TRMT11: variants seen among roughly 807,000 people sequenced by gnomAD.
TRMT11 encodes tRNA (guanine(10)-N(2))-methyltransferase TRMT11.
TRMT11 carries 53 observed loss-of-function variants against 62.8 expected under a neutral mutation model. The observed-to-expected ratio is 0.84, with a 90% CI of 0.68 to 1.06. TRMT11 has a LOEUF of 1.06. Among genes scored for constraint, TRMT11 ranks in the 50% least tolerant of loss-of-function variants. The pLI is 0.00. For synonymous variants in TRMT11, 188 were observed against 190.3 expected, an observed-to-expected ratio of 0.99 and a Z score of 0.10; for missense variants, 556 against 553.4, an observed-to-expected ratio of 1.00 and a Z score of -0.05.
the TRMT11 span, among the ~76,000 whole-genome samples, chr6:126,270,725 C>T: frequency 1.3e-5 from 2 of 152,030 alleles, no homozygotes; most frequent in African/African-American, 4.8e-5. Flanking sequence ...ATTTTTTAAA[C>T]ATTTCTGTAG....
intron 12 of TRMT11, among the ~76,000 whole-genome samples, chr6:126,031,595 A>G (rs961557592): frequency 3.9e-5 from 6 of 152,154 alleles, no homozygotes; most frequent in Non-Finnish European, 7.3e-5. Flanking sequence ...CAAGATACAG[A>G]AGCATGAGAG....
intron 21 of TRMT11, among the ~76,000 whole-genome samples, chr6:126,135,623 C>T (rs1777841323): frequency 1.3e-5 from 2 of 151,680 alleles, no homozygotes; most frequent in Non-Finnish European, 3.0e-5. Context: ...GGAATACTTC[C>T]AAATTCATTG....
chr6:126,194,341 T>G (rs990548014), intron 1 of TRMT11, among the ~76,000 whole-genome samples: 2 of 152,222 alleles, frequency 1.3e-5, no homozygotes, highest in Non-Finnish European at 2.9e-5. Flanking sequence ...CGGTATTGGA[T>G]GAATACATGT....
intron 17 of TRMT11, among the ~76,000 whole-genome samples, chr6:126,071,265 A>C (rs1348511279): frequency 6.6e-6 from 1 of 152,028 alleles, no homozygotes; most frequent in East Asian, 1.9e-4. Flanking sequence ...AATCTTTCTA[A>C]TTAGCTGTAA....
In TRMT11 at chr6:126,151,831, TTTCTTTC is replaced by T. The variant is rs1189063825; in HGVS notation, c.*1824-22991_*1824-22985del. On this transcript the variant is annotated intron_variant and NMD_transcript_variant, in intron 21 of 22. Transcript: ENST00000648977. ...TTTTCTTTCTTTCTTTCTTTCTTTC[TTTCTTTC>T]TTTCTTTCTTTCTTTCTTTCTTTCT... is the stretch of plus-strand genomic sequence containing the variant. Among the ~76,000 whole-genome samples the T allele has an allele frequency of 1.4e-4, 19 of 132,198 alleles. 2 individuals are homozygous for T. The highest frequency in any genetic ancestry group is 5.6e-4 in the African/African-American group (18 of 32,198). 86.7% of individuals were successfully genotyped at this position (132,198 alleles called of 152,430 possible).
chr6:126,027,796 G>A, intron 12 of TRMT11, among the ~76,000 whole-genome samples: 1 of 152,198 alleles, frequency 6.6e-6, no homozygotes, highest in East Asian at 1.9e-4. Context: ...TCATAATGGA[G>A]TGTGGCCAAA....
the TRMT11 span, among the ~76,000 whole-genome samples, chr6:126,269,942 G>C: frequency 2.0e-5 from 3 of 152,124 alleles, no homozygotes; most frequent in Non-Finnish European, 2.9e-5. Flanking sequence ...GTGGTGGAAG[G>C]GATGGGGAGG....
chr6:126,115,572 A>G (rs1777577757), intron 20 of TRMT11, among the ~76,000 whole-genome samples: 1 of 152,124 alleles, frequency 6.6e-6, no homozygotes, highest in African/African-American at 2.4e-5. Context: ...AAATATTTAT[A>G]TTGCTATTTA....
At chr6:126,258,287 C>T in the TRMT11 span, 13 of 490,152 alleles carry the variant, frequency 2.7e-5, no homozygotes, top group Admixed American at 1.5e-4. Flanking sequence ...AAAGTAAACA[C>T]GTGGTCCTGA....
intron 21 of TRMT11, among the ~76,000 whole-genome samples, chr6:126,124,218 A>G (rs61126171): frequency 1.3e-3 from 194 of 152,140 alleles, no homozygotes; most frequent in African/African-American, 3.9e-3. Context: ...TTATGGGAGG[A>G]GATCCCCAAA....
At chr6:126,108,654 T>C (rs1162454761) in intron 17 of TRMT11, among the ~76,000 whole-genome samples, 4 of 151,786 alleles carry the variant, frequency 2.6e-5, no homozygotes, top group Non-Finnish European at 4.4e-5. Flanking sequence ...CATTAATTTA[T>C]AGTTCATTGA....
the TRMT11 span, among the ~76,000 whole-genome samples, chr6:126,224,717 C>T: frequency 1.3e-5 from 2 of 152,130 alleles, no homozygotes; most frequent in East Asian, 1.9e-4. Context: ...CACATGTGTA[C>T]GCTTGTGCTG....
At chr6:126,205,987 A>G (rs868549913), downstream of TRMT11, among the ~76,000 whole-genome samples, 6 of 151,912 alleles carry the variant, frequency 3.9e-5, no homozygotes, top group Admixed American at 3.9e-4. Flanking sequence ...TTCCCCTATG[A>G]CGATATAAAG....
At chr6:126,080,452 C>T (rs950051542) in intron 17 of TRMT11, among the ~76,000 whole-genome samples, 2 of 152,030 alleles carry the variant, frequency 1.3e-5, no homozygotes, top group East Asian at 3.9e-4. Flanking sequence ...GAGTCAGGGT[C>T]ACTCACCAAG....
chr6:126,268,692 T>C, the TRMT11 span, among the ~76,000 whole-genome samples: 2 of 152,184 alleles, frequency 1.3e-5, no homozygotes, highest in African/African-American at 2.4e-5. Context: ...TAATGTGTGA[T>C]AGACATGTTT....
At chr6:125,990,015 GATT>G in intron 1 of TRMT11, among the ~76,000 whole-genome samples, 1 of 152,216 alleles carries the variant, frequency 6.6e-6, no homozygotes, top group Admixed American at 6.5e-5. Context: ...TGTTTTACAT[GATT>G]ATTTTTCAGA....
At chr6:126,020,091 T>G (rs2127984425) in intron 11 of TRMT11, among the ~76,000 whole-genome samples, 1 of 152,334 alleles carries the variant, frequency 6.6e-6, no homozygotes, top group Admixed American at 6.5e-5. Context: ...CAGTGGGACC[T>G]AGAAAAGTTC....
intron 21 of TRMT11, among the ~76,000 whole-genome samples, chr6:126,125,953 C>A (rs905001940): frequency 9.2e-5 from 14 of 152,038 alleles, no homozygotes; most frequent in Admixed American, 5.2e-4. Context: ...TCGCTTCTTT[C>A]AAAAAATCAA....
chr6:126,209,088 T>G, the TRMT11 span, among the ~76,000 whole-genome samples: 1 of 152,116 alleles, frequency 6.6e-6, no homozygotes, highest in Non-Finnish European at 1.5e-5. Flanking sequence ...TATAGGAAAT[T>G]ATTGAGGGGA....
Sources: allele counts gnomAD v4.1 joint callset (sites outside exome capture counted in the v4.1 genomes callset), GRCh38; gene constraint gnomAD v4.1.1; transcripts MANE v1.5; gene names NCBI Gene and HGNC (gene_info 2026-07-23, HGNC 2026-07-21).